The following PSD3 variants were observed in gnomAD, a reference collection of about 807,000 sequenced individuals.
PSD3 encodes pleckstrin and Sec7 domain containing 3, also known as PH and SEC7 domain-containing protein 3.
In PSD3, 49 loss-of-function variants were observed where a neutral mutation model predicts 105.5. The observed-to-expected ratio is 0.46, with a 90% CI of 0.37 to 0.59. The LOEUF (loss-of-function observed/expected upper bound fraction) is 0.59. Among genes scored for constraint, PSD3 ranks in the 20% least tolerant of loss-of-function variants. The pLI is 0.00. For synonymous variants in PSD3, 557 were observed against 457.8 expected (o/e 1.22, Z -2.77); for missense variants, 1,561 against 1,263.8 (o/e 1.24, Z -3.57).
intron 9 of PSD3, among the ~76,000 whole-genome samples, chr8:18,664,515 C>T (rs1054304455): frequency 1.3e-5 from 2 of 152,130 alleles, no homozygotes; most frequent in African/African-American, 4.8e-5. Flanking sequence ...GATGTCGGTT[C>T]GTGAGGTTTA....
chr8:18,715,619 G>A (rs964863024), intron 9 of PSD3, among the ~76,000 whole-genome samples: 1 of 152,222 alleles, frequency 6.6e-6, no homozygotes, highest in African/African-American at 2.4e-5. Context: ...AAGCAAAATC[G>A]CTTGGAAGTG....
At chr8:18,668,723 ATACTT>A (rs527662406) in intron 9 of PSD3, among the ~76,000 whole-genome samples, 27 of 152,332 alleles carry the variant, frequency 1.8e-4, no homozygotes, top group Non-Finnish European at 1.0e-4. Context: ...ACATATATAC[ATACTT>A]TAAAGTCAGT....
intron 12 of PSD3, 136 bp downstream of exon 12, chr8:18,600,228 G>T (rs1804336634): frequency 1.2e-6 from 1 of 800,838 alleles, no homozygotes; most frequent in East Asian, 2.7e-5. Flanking sequence ...ATTCTCCGCT[G>T]AAAATTTTTT....
rs118111417 is a variant in PSD3, at chr8:18,748,939, G to C, written c.2172+16510C>G. Among the ~76,000 whole-genome samples, 225 of 152,294 alleles carry C rather than the reference G, an allele frequency of 1.5e-3. 5 individuals are homozygous for C. The East Asian group carries it at 0.033, about 22-fold the overall frequency. ...TCTCTGGTTTGTATCAGTAGATATGGAGCTTTTAAAAGTTTAGAAATAAGA... is the reference window on the plus strand; with the variant it reads ...TCTCTGGTTTGTATCAGTAGATATGCAGCTTTTAAAAGTTTAGAAATAAGA... On this transcript the variant is annotated intron_variant, in intron 9 of 15. Coordinates refer to ENST00000327040, the MANE Select transcript of PSD3 (RefSeq NM_015310.4).
chr8:18,815,246 A>G (rs1812117066), intron 4 of PSD3, among the ~76,000 whole-genome samples: 1 of 152,164 alleles, frequency 6.6e-6, no homozygotes, highest in African/African-American at 2.4e-5. Flanking sequence ...CTATGGTTAT[A>G]TAATGTCCAA....
At chr8:18,960,724 G>A (rs1823859944) in intron 1 of PSD3, among the ~76,000 whole-genome samples, 2 of 152,176 alleles carry the variant, frequency 1.3e-5, no homozygotes, top group Admixed American at 1.3e-4. Flanking sequence ...AGCTGAAAAT[G>A]AGGCTTCTAG....
intron 4 of PSD3, among the ~76,000 whole-genome samples, chr8:18,857,099 A>G (rs1245212404): frequency 6.6e-6 from 1 of 152,186 alleles, no homozygotes; most frequent in Non-Finnish European, 1.5e-5. Flanking sequence ...AGAAGAAATC[A>G]TTTCCAGGTT....
At chr8:18,847,946 T>G (rs971111015) in intron 4 of PSD3, among the ~76,000 whole-genome samples, 1 of 152,232 alleles carries the variant, frequency 6.6e-6, no homozygotes, top group African/African-American at 2.4e-5. Context: ...CCTGGTTAAA[T>G]ATTCAGGGAA....
rs112322754 is a variant in PSD3 at position 18,980,052 on chromosome 8, G to C, written c.21+33511C>G. The stretch of plus-strand genomic sequence containing the variant: ...AGCAGATATTATGGAAAACTCAAAG[G>C]TGTAACAGGTTCTCTGCCCTGCAAA... On this transcript the variant is annotated intron_variant, in intron 1 of 15. Transcript: ENST00000327040. 1.2e-3 allele frequency among the ~76,000 whole-genome samples: 184 copies of C among 152,260 alleles called. 1 individual carries two copies. The highest frequency in any genetic ancestry group is 3.8e-3 in the African/African-American group (159 of 41,552).
At chr8:18,684,403 A>C (rs992560771) in intron 9 of PSD3, among the ~76,000 whole-genome samples, 5 of 152,174 alleles carry the variant, frequency 3.3e-5, no homozygotes, top group African/African-American at 1.2e-4. Context: ...TAAAAGTCTC[A>C]AGTAATCTCC....
intron 4 of PSD3, among the ~76,000 whole-genome samples, chr8:18,822,925 C>T (rs1356726354): frequency 6.6e-6 from 1 of 152,134 alleles, no homozygotes; most frequent in Non-Finnish European, 1.5e-5. Context: ...CCTGGCACTA[C>T]CTCACTCCCA....
intron 1 of PSD3, among the ~76,000 whole-genome samples, chr8:18,956,249 G>A (rs1479863616): frequency 6.6e-6 from 1 of 152,200 alleles, no homozygotes; most frequent in African/African-American, 2.4e-5. Flanking sequence ...GAAGGCTGAG[G>A]AGAATGAAGT....
At chr8:18,662,569 A>G (rs7015570) in intron 9 of PSD3, among the ~76,000 whole-genome samples, 43,961 of 152,132 alleles carry the variant, frequency 0.29, 8,854 homozygotes, top group East Asian at 0.66. Context: ...TGGGGCACCT[A>G]TCACTGACTT....
chr8:18,746,516 G>C (rs538936748), intron 9 of PSD3, among the ~76,000 whole-genome samples: 2 of 152,172 alleles, frequency 1.3e-5, no homozygotes, highest in South Asian at 2.1e-4. Context: ...GGTCCAGGGG[G>C]GGTGTTGCTG....
chr8:18,974,094 A>T (rs1200049780), intron 1 of PSD3, among the ~76,000 whole-genome samples: 10 of 152,224 alleles, frequency 6.6e-5, no homozygotes, highest in African/African-American at 2.2e-4. Flanking sequence ...CACAGAAGAA[A>T]ACGAAAATAC....
intron 9 of PSD3, among the ~76,000 whole-genome samples, chr8:18,739,709 G>A (rs1002960473): frequency 2.0e-5 from 3 of 151,994 alleles, no homozygotes; most frequent in African/African-American, 7.3e-5. Flanking sequence ...TATATTTGAG[G>A]ATACAAAGTA....
intron 1 of PSD3, among the ~76,000 whole-genome samples, chr8:18,970,264 G>T (rs1199934770): frequency 7.7e-6 from 1 of 130,688 alleles, no homozygotes; most frequent in South Asian, 2.6e-4. Context: ...GGCGGAGCTT[G>T]CAGTGAGCCG....
chr8:18,781,675 T>C (rs935584926), intron 8 of PSD3, among the ~76,000 whole-genome samples: 2 of 152,212 alleles, frequency 1.3e-5, no homozygotes, highest in Admixed American at 6.5e-5. Context: ...TGAAGTGGCA[T>C]GGAGAAGGCC....
intron 2 of PSD3, among the ~76,000 whole-genome samples, chr8:18,909,510 T>C (rs1173091199): frequency 6.6e-6 from 1 of 152,254 alleles, no homozygotes; most frequent in East Asian, 1.9e-4. Context: ...GAGGAAGCCT[T>C]GCCCTGTCAC....
Sources: allele counts gnomAD v4.1 joint callset (sites outside exome capture counted in the v4.1 genomes callset), GRCh38; gene constraint gnomAD v4.1.1; transcripts MANE v1.5; gene names NCBI Gene and HGNC (gene_info 2026-07-23, HGNC 2026-07-21).